Variants in MACF1 observed in about 807,000 individuals in gnomAD.
The protein encoded by MACF1 is microtubule-actin cross-linking factor 1.
In MACF1, 193 loss-of-function variants were observed where a neutral mutation model predicts 854.8. That is an observed-to-expected ratio of 0.23 (90% CI 0.20 to 0.25). The LOEUF is 0.25. Among genes scored for constraint, MACF1 ranks in the 10% least tolerant of loss-of-function variants. The pLI is 1.00. For synonymous variants in MACF1, 3,185 were observed against 3,226.7 expected (o/e 0.99, Z 0.44); for missense variants, 7,722 against 8,929.1 (o/e 0.86, Z 5.45).
chr1:39,470,226 A>G (rs376247988), intron 97 of MACF1, among the ~76,000 whole-genome samples: 1 of 152,254 alleles, frequency 6.6e-6, no homozygotes, highest in South Asian at 2.1e-4. Context: ...GGACAGAGCT[A>G]AAGATAGCAG....
chr1:39,319,175 T>G (rs1034646386), intron 30 of MACF1, among the ~76,000 whole-genome samples: 1 of 152,180 alleles, frequency 6.6e-6, no homozygotes, highest in Non-Finnish European at 1.5e-5. Flanking sequence ...GGACATAGTT[T>G]GTTATTTATT....
At chr1:39,337,058 A>G (rs1646823779) in intron 37 of MACF1, 124 bp from the exon 38 acceptor site, 3 of 844,816 alleles carry the variant, frequency 3.6e-6, no homozygotes, top group Admixed American at 2.6e-5. Context: ...AAAGTGTTTT[A>G]TTTTATCCCA....
chr1:39,345,384 A>G (rs1312742583), intron 40 of MACF1, among the ~76,000 whole-genome samples: 1 of 151,602 alleles, frequency 6.6e-6, no homozygotes, highest in Non-Finnish European at 1.5e-5. Flanking sequence ...GCTAAGTGGA[A>G]GGATCACTTA....
At chr1:39,094,358 C>T (rs994177055) in intron 2 of MACF1, among the ~76,000 whole-genome samples, 6 of 151,366 alleles carry the variant, frequency 4.0e-5, no homozygotes, top group Admixed American at 6.6e-5. Context: ...ACTGAGCTCA[C>T]GCCATTGCAC....
chr1:39,135,954 T>A (rs183168371), intron 2 of MACF1, among the ~76,000 whole-genome samples: 1 of 152,252 alleles, frequency 6.6e-6, no homozygotes, highest in African/African-American at 2.4e-5. Flanking sequence ...GGGTGATGAG[T>A]ACAGCGAACG....
Position 39,334,171 on chromosome 1 carries a change from G to T in MACF1, c.7583G>T (p.Gly2528Val). 2 of 1,614,040 alleles carry T rather than the reference G, an allele frequency of 1.2e-6. No homozygotes were observed. Among genetic ancestry groups the T allele is most frequent in the South Asian group, 1.1e-5 (1 of 91,080 alleles). The change falls in exon 37 of 101, where the codon GGT becomes GTT. Residue 2528 changes from glycine to valine, a missense_variant. By Grantham distance (109) the Gly-to-Val change is moderately radical. Around this residue, in one of 15 missense-constraint regions of MACF1, gnomAD observed 1,531 missense variants for 1,601.6 expected, o/e 0.96. Transcript: ENST00000564288. ...VDNAFRHGLIGEDLAEKLKRV... is the reference protein window; with the variant it reads ...VDNAFRHGLIVEDLAEKLKRV... ...AATGCCTTCAGACATGGCTTAATTG[G>T]TGAAGATTTAGCCGAGAAACTCAAA...
intron 47 of MACF1, among the ~76,000 whole-genome samples, 184 bp from the exon 48 acceptor site, chr1:39,360,609 G>A (rs377626740): frequency 2.0e-5 from 3 of 151,116 alleles, no homozygotes; most frequent in African/African-American, 7.3e-5. Context: ...GGCTGAAGTA[G>A]GAAGATTGCT....
intron 2 of MACF1, among the ~76,000 whole-genome samples, chr1:39,246,302 A>G (rs532886854): frequency 2.6e-5 from 4 of 152,306 alleles, no homozygotes; most frequent in African/African-American, 7.2e-5. Context: ...AGCTGACCCA[A>G]ACTGAATTCT....
Position 39,475,468 on chromosome 1 carries a change from C to CAAA in MACF1, c.21959-4315_21959-4313dup, listed in dbSNP as rs71691475. ...TGGGTGACAAAGTGAGACCCTGTCT[C>CAAA]AAAAAAAAAAAAAAAAATGCATTCT... On this transcript the variant is annotated intron_variant, in intron 97 of 100. Transcript: ENST00000564288. Among the ~76,000 whole-genome samples, 480 of 121,128 alleles carry CAAA rather than the reference C, an allele frequency of 4.0e-3. 15 individuals are homozygous for CAAA. The highest frequency in any genetic ancestry group is 8.3e-3 in the Middle Eastern group (2 of 242). 79.5% of individuals were successfully genotyped at this position (121,128 alleles called of 152,430 possible). A position where few individuals can be genotyped will look rare whatever the true frequency, so the allele number is the denominator to read the frequency against.
intron 2 of MACF1, among the ~76,000 whole-genome samples, chr1:39,192,596 G>A (rs1039538114): frequency 2.6e-5 from 4 of 152,168 alleles, no homozygotes; most frequent in African/African-American, 9.7e-5. Flanking sequence ...AGTTCCATGT[G>A]TGAGAATTTC....
At chr1:39,232,746 G>GTTTTTT (rs10712180) in intron 2 of MACF1, among the ~76,000 whole-genome samples, 70 of 128,456 alleles carry the variant, frequency 5.4e-4, no homozygotes, top group Non-Finnish European at 7.0e-4. Context: ...TACTCTCTTT[G>GTTTTTT]TTTTTTTTTT....
intron 66 of MACF1, among the ~76,000 whole-genome samples, chr1:39,431,563 T>C (rs1245733210): frequency 2.0e-5 from 3 of 152,210 alleles, no homozygotes; most frequent in Non-Finnish European, 4.4e-5. Context: ...AGTGTGTCTT[T>C]AGAGTTATCC....
intron 89 of MACF1, among the ~76,000 whole-genome samples, chr1:39,455,716 G>C (rs1314655219): frequency 6.6e-6 from 1 of 152,134 alleles, no homozygotes; most frequent in African/African-American, 2.4e-5. Context: ...GGGTCCCACT[G>C]GTCCCCATTA....
At chr1:39,198,773 G>A (rs543827435) in intron 2 of MACF1, among the ~76,000 whole-genome samples, 166 of 151,738 alleles carry the variant, frequency 1.1e-3, no homozygotes, top group African/African-American at 4.0e-3. Context: ...TGCAGAGATC[G>A]GAGCATCACT....
At position 39,468,933 on chromosome 1, in the gene MACF1, T is replaced by C. The variant is rs115195385; in HGVS notation, c.21889+201T>C. ...AAAAAGCTGAAGAGGTTGATGCTAT[T>C]TGGGGAGGTAGGTCTAGAGGAATGC... On this transcript the variant is annotated intron_variant, in intron 96 of 100. Coordinates refer to ENST00000564288, the MANE Select transcript of MACF1 (RefSeq NM_001394062.1). Among the ~76,000 whole-genome samples, 257 of 152,188 alleles carry C rather than the reference T, an allele frequency of 1.7e-3. 1 individual carries two copies. The highest frequency in any genetic ancestry group is 5.3e-3 in the African/African-American group (219 of 41,524).
intron 2 of MACF1, among the ~76,000 whole-genome samples, chr1:39,158,869 C>G (rs550921481): frequency 2.5e-4 from 38 of 152,290 alleles, no homozygotes; most frequent in African/African-American, 8.9e-4. Context: ...CTAGTAGAAG[C>G]GGGAGTAGAG....
intron 58 of MACF1, chr1:39,411,614 T>C: frequency 6.2e-7 from 1 of 1,613,882 alleles, no homozygotes; most frequent in Non-Finnish European, 8.5e-7. Context: ...GCATGTACTG[T>C]GGGTACTATT....
At chr1:39,186,689 C>A (rs1181354072) in intron 2 of MACF1, among the ~76,000 whole-genome samples, 1 of 152,042 alleles carries the variant, frequency 6.6e-6, no homozygotes, top group Admixed American at 6.6e-5. Context: ...CTCACTGCAC[C>A]CTTGAACTCC....
At chr1:39,206,689 G>A (rs998645118) in intron 1 of MACF1, 2 of 152,044 alleles carry the variant, frequency 1.3e-5, no homozygotes, top group African/African-American at 2.4e-5. Context: ...AATGTGCTAC[G>A]TTTGCTTTAT....
Sources: gnomAD v4.1 joint callset for allele counts (sites outside exome capture counted in the v4.1 genomes callset) on GRCh38, gnomAD v4.1.1 for gene constraint, gnomAD v4.1.1 regional missense constraint, MANE v1.5 for transcripts, NCBI Gene and HGNC (gene_info 2026-07-23, HGNC 2026-07-21) for gene names.